DMD: variants seen among roughly 807,000 people sequenced by gnomAD.
DMD encodes mutant dystrophin.
A neutral mutation model predicts 330.1 loss-of-function variants in DMD; 63 were observed. The ratio of observed to expected loss-of-function variants is 0.19; its 90% CI spans 0.16 to 0.24. DMD has a LOEUF of 0.24. Among genes scored for constraint, DMD ranks in the 10% least tolerant of loss-of-function variants. The pLI, the probability that DMD is intolerant of heterozygous loss-of-function variation, is 1.00. For missense variants in DMD, 3,344 were observed against 2,684.1 expected (o/e 1.25, Z -5.43); for synonymous variants, 1,223 against 959.8 (o/e 1.27, Z -5.07).
chrX:33,330,290 T>C (rs1440062723), intron 1 of DMD, among the ~76,000 whole-genome samples: 2 of 111,320 alleles, frequency 1.8e-5, no homozygotes, highest in African/African-American at 6.5e-5. Context: ...TCAATTAAAT[T>C]GGAAGATGTT....
At chrX:31,562,923 C>A (rs950095181) in intron 55 of DMD, among the ~76,000 whole-genome samples, 10 of 112,033 alleles carry the variant, frequency 8.9e-5, no homozygotes, top group Non-Finnish European at 1.9e-4. Context: ...ATTGCATAAG[C>A]TAGGAGGCAA....
At chrX:33,087,225 T>A (rs898633100) in intron 1 of DMD, among the ~76,000 whole-genome samples, 3 of 112,178 alleles carry the variant, frequency 2.7e-5, no homozygotes, top group Non-Finnish European at 5.6e-5. Context: ...GTAGGCTAAA[T>A]TAAAGTTGTT....
chrX:32,080,093 T>A (rs2096381291), intron 44 of DMD, among the ~76,000 whole-genome samples: 1 of 112,603 alleles, frequency 8.9e-6, no homozygotes, highest in African/African-American at 3.2e-5. Context: ...AGGAATCATA[T>A]TATTAACTGG....
chrX:33,013,837 G>A (rs761886583), intron 2 of DMD, among the ~76,000 whole-genome samples: 36 of 112,133 alleles, frequency 3.2e-4, no homozygotes, highest in South Asian at 1.1e-3. Context: ...GTGTGTGTGC[G>A]CGCACGCGCG....
At chrX:32,668,998 A>C (rs982803206) in intron 9 of DMD, among the ~76,000 whole-genome samples, 2 of 111,411 alleles carry the variant, frequency 1.8e-5, no homozygotes, top group Admixed American at 1.9e-4. Context: ...AGCACATTGT[A>C]TGTTATACAC....
At chrX:31,927,286 G>A (rs1038076746) in intron 47 of DMD, among the ~76,000 whole-genome samples, 6 of 111,946 alleles carry the variant, frequency 5.4e-5, no homozygotes, top group African/African-American at 1.6e-4. Flanking sequence ...GATGGTGTTC[G>A]TAACCTCAGT....
intron 1 of DMD, among the ~76,000 whole-genome samples, chrX:33,070,671 C>CTA (rs2094737044): frequency 9.8e-4 from 43 of 44,001 alleles, no homozygotes; most frequent in African/African-American, 2.6e-3. Flanking sequence ...CTCTCTCTCT[C>CTA]TCTATATATA....
chrX:32,740,379 A>G (rs773391449), intron 7 of DMD, among the ~76,000 whole-genome samples: 4 of 110,729 alleles, frequency 3.6e-5, no homozygotes, highest in African/African-American at 1.3e-4. Context: ...GGTAAAGAGA[A>G]CATGTGTATC....
intron 7 of DMD, among the ~76,000 whole-genome samples, chrX:32,715,164 G>A (rs2065569548): frequency 9.0e-6 from 1 of 111,058 alleles, no homozygotes; most frequent in Non-Finnish European, 1.9e-5. Context: ...ATACACAATG[G>A]AATATTACTT....
chrX:32,092,485 A>AG (rs2148010149), intron 44 of DMD, among the ~76,000 whole-genome samples: 1 of 111,609 alleles, frequency 9.0e-6, no homozygotes, highest in Admixed American at 9.6e-5. Context: ...GATGAGGAAT[A>AG]CAATTCTTTG....
chrX:32,667,770 T>TTG (rs199793697), intron 9 of DMD, among the ~76,000 whole-genome samples: 34 of 99,976 alleles, frequency 3.4e-4, no homozygotes, highest in African/African-American at 1.4e-3. Flanking sequence ...CTTTTGTGTT[T>TTG]TTTTTTTTTT....
chrX:32,143,783 C>A (rs911939608), intron 44 of DMD, among the ~76,000 whole-genome samples: 1 of 108,554 alleles, frequency 9.2e-6, no homozygotes, highest in African/African-American at 3.4e-5. Flanking sequence ...GTCTCCTGAC[C>A]TCGTGATCCG....
At chrX:32,402,771 A>G (rs948799559) in intron 30 of DMD, among the ~76,000 whole-genome samples, 1 of 111,584 alleles carries the variant, frequency 9.0e-6, no homozygotes, top group African/African-American at 3.3e-5. Flanking sequence ...GGCAATCATA[A>G]GGCATTATGA....
intron 11 of DMD, among the ~76,000 whole-genome samples, chrX:32,628,076 C>T (rs1246511590): frequency 2.8e-5 from 3 of 107,906 alleles, no homozygotes; most frequent in African/African-American, 6.8e-5. Context: ...TATTTTAAAA[C>T]GTACAACAAA....
chrX:32,097,251 GC>G (rs746525227), intron 44 of DMD, among the ~76,000 whole-genome samples: 2 of 110,219 alleles, frequency 1.8e-5, no homozygotes, highest in South Asian at 7.8e-4. Context: ...CCCTCCCCTT[GC>G]CCCCCACCTC....
chrX:31,890,281 G>T (rs1404751913), intron 47 of DMD, among the ~76,000 whole-genome samples: 14 of 107,223 alleles, frequency 1.3e-4, no homozygotes, highest in African/African-American at 4.8e-4. Flanking sequence ...GGCCGAGGAA[G>T]GAGGACTGCT....
chrX:33,040,120 T>C (rs530538592), intron 1 of DMD, among the ~76,000 whole-genome samples: 1 of 111,650 alleles, frequency 9.0e-6, no homozygotes. Flanking sequence ...CGAAGGAGTC[T>C]GCACTCATTC....
intron 7 of DMD, among the ~76,000 whole-genome samples, chrX:32,782,561 C>T (rs778570140): frequency 4.1e-4 from 46 of 111,141 alleles, no homozygotes; most frequent in Non-Finnish European, 6.6e-4. Flanking sequence ...GTTCTTCCTG[C>T]AGTCACAGAA....
At chrX:32,780,029 A>G (rs996904892) in intron 7 of DMD, among the ~76,000 whole-genome samples, 1 of 111,811 alleles carries the variant, frequency 8.9e-6, no homozygotes, top group Non-Finnish European at 1.9e-5. Flanking sequence ...TAAATTTTAC[A>G]TAGAAATCAT....
Sources: allele counts gnomAD v4.1 joint callset (sites outside exome capture counted in the v4.1 genomes callset), GRCh38; gene constraint gnomAD v4.1.1; transcripts MANE v1.5; gene names NCBI Gene and HGNC (gene_info 2026-07-23, HGNC 2026-07-21).